UBE2D3: variants seen among roughly 807,000 people sequenced by gnomAD.
UBE2D3 encodes ubiquitin-conjugating enzyme E2 D3.
A neutral mutation model predicts 22.8 loss-of-function variants in UBE2D3; 2 were observed. The observed-to-expected ratio is 0.09, with a 90% CI of 0.04 to 0.28. UBE2D3 has a LOEUF of 0.28. UBE2D3 is among the 10% of genes least tolerant of loss of function. The pLI, the probability that UBE2D3 is intolerant of heterozygous loss-of-function variation, is 1.00. For synonymous variants in UBE2D3, 56 were observed against 60.4 expected, an observed-to-expected ratio of 0.93 and a Z score of 0.34; for missense variants, 27 against 182.5, an observed-to-expected ratio of 0.15 and a Z score of 4.91.
Position 102,797,391 on chromosome 4 carries a change from G to A in UBE2D3, c.*24C>T. On this transcript the variant is annotated 3_prime_UTR_variant, in exon 8 of 8. Coordinates refer to ENST00000453744, the MANE Select transcript of UBE2D3 (RefSeq NM_181891.3). The stretch of plus-strand genomic sequence containing the variant: ...TAAAGTTTATTCCAGCTATAATGCA[G>A]GTTATTCTGACTTTAAGGTAGCATC... 1 of 1,583,246 alleles carries A rather than the reference G, an allele frequency of 6.3e-7. No individual in the cohort carries two copies. The highest frequency in any genetic ancestry group is 8.6e-7 in the Non-Finnish European group (1 of 1,160,842).
rs554593286 is a variant in UBE2D3 at position 102,859,093 on chromosome 4, A to G, written c.-129+9622T>C. Reference sequence around the variant, plus strand: ...TCAGTTTTAGCATTTCTTGTGAGGCAGGTCTAGTGGTGATGAACTCCCTCA... The same window carrying G: ...TCAGTTTTAGCATTTCTTGTGAGGCGGGTCTAGTGGTGATGAACTCCCTCA... On this transcript the variant is annotated intron_variant, in intron 1 of 7. Coordinates refer to the UBE2D3 transcript ENST00000338145. 4.6e-5 allele frequency among the ~76,000 whole-genome samples: 7 copies of G among 152,006 alleles called. No individual in the cohort carries two copies. The East Asian group carries it at 7.7e-4, about 17-fold the overall frequency.
intron 4 of UBE2D3, among the ~76,000 whole-genome samples, chr4:102,808,689 T>C (rs759736706): frequency 6.6e-6 from 1 of 152,224 alleles, no homozygotes; most frequent in Non-Finnish European, 1.5e-5. Flanking sequence ...TCTCCTCTAA[T>C]ACAGTGTAAG....
intron 1 of UBE2D3, among the ~76,000 whole-genome samples, chr4:102,868,057 A>G (rs1048130564): frequency 1.3e-4 from 19 of 148,774 alleles, no homozygotes; most frequent in African/African-American, 4.5e-4. Context: ...AAAACCATAC[A>G]TAAGGCTTTA....
At chr4:102,804,560 A>G (rs1259314370) in intron 4 of UBE2D3, among the ~76,000 whole-genome samples, 1 of 152,210 alleles carries the variant, frequency 6.6e-6, no homozygotes, top group Non-Finnish European at 1.5e-5. Context: ...AAATAGTTAT[A>G]TTAATTTTGA....
At chr4:102,816,084 G>A in intron 2 of UBE2D3, among the ~76,000 whole-genome samples, 1 of 152,216 alleles carries the variant, frequency 6.6e-6, no homozygotes, top group Non-Finnish European at 1.5e-5. Flanking sequence ...AGTCATAGCA[G>A]ATGCTCTTTG....
intron 7 of UBE2D3, among the ~76,000 whole-genome samples, chr4:102,799,206 A>T (rs1215300174): frequency 6.6e-6 from 1 of 151,906 alleles, no homozygotes; most frequent in Admixed American, 6.6e-5. Flanking sequence ...ACAACAATAA[A>T]ACATTTTAGA....
In UBE2D3 at chr4:102,826,409, C is replaced by T. The variant is rs557867463; in HGVS notation, c.24+76G>A. The stretch of plus-strand genomic sequence containing the variant: ...GGTATTTTCAGAATTATGCTTCCTT[C>T]CCACCCCCACGCTTTCCTCTTGGCC... On this transcript the variant is annotated intron_variant, in intron 2 of 7. Transcript: ENST00000453744. 2.4e-5 allele frequency: 37 copies of T among 1,573,216 alleles called. No individual in the cohort carries two copies. The South Asian group carries it at 3.9e-4, about 17-fold the overall frequency.
At chr4:102,847,435 G>A (rs906270482) in intron 1 of UBE2D3, among the ~76,000 whole-genome samples, 4 of 151,848 alleles carry the variant, frequency 2.6e-5, no homozygotes, top group Non-Finnish European at 4.4e-5. Context: ...ACAGGTGTGC[G>A]CCACCACACC....
intron 2 of UBE2D3, among the ~76,000 whole-genome samples, chr4:102,821,678 A>G (rs910808498): frequency 5.9e-5 from 9 of 152,206 alleles, no homozygotes; most frequent in African/African-American, 1.7e-4. Context: ...ATTGTAACAC[A>G]AAGGATAAAT....
intron 4 of UBE2D3, among the ~76,000 whole-genome samples, chr4:102,803,225 T>C (rs1290136949): frequency 6.6e-6 from 1 of 152,206 alleles, no homozygotes; most frequent in African/African-American, 2.4e-5. Context: ...AAATGGTAAA[T>C]GATAGAACCA....
intron 4 of UBE2D3, among the ~76,000 whole-genome samples, chr4:102,804,139 C>CG (rs1560846915): frequency 6.9e-6 from 1 of 144,160 alleles, no homozygotes; most frequent in Non-Finnish European, 1.5e-5. Flanking sequence ...GGGTGGAGGG[C>CG]GGGGGGAATG....
exon 1 of UBE2D3, chr4:102,868,811 AGGCCCAAGAGGAG>A: frequency 3.1e-6 from 5 of 1,609,302 alleles, no homozygotes; most frequent in Non-Finnish European, 4.3e-6. Context: ...CAGACGTTAA[AGGCCCAAGAGGAG>A]GGCCACCTTC....
At chr4:102,809,370 AG>A (rs1727591289) in intron 4 of UBE2D3, 1 of 326,410 alleles carries the variant, frequency 3.1e-6, no homozygotes. Context: ...TATAAATAAC[AG>A]GAAGTTCCAT....
intron 1 of UBE2D3, among the ~76,000 whole-genome samples, chr4:102,852,406 G>GTA (rs781664151): frequency 6.6e-6 from 1 of 152,002 alleles, no homozygotes; most frequent in Non-Finnish European, 1.5e-5. Flanking sequence ...ACATTCCCTC[G>GTA]TATATATATG....
At chr4:102,843,442 TACAACTGGATGA>T (rs1731872551) in intron 1 of UBE2D3, 4 of 152,138 alleles carry the variant, frequency 2.6e-5, no homozygotes. Flanking sequence ...CATCAAACTG[TACAACTGGATGA>T]ACACAGGAGC....
intron 1 of UBE2D3, among the ~76,000 whole-genome samples, chr4:102,846,297 T>TA (rs1732038485): frequency 6.6e-6 from 1 of 152,222 alleles, no homozygotes; most frequent in South Asian, 2.1e-4. Context: ...TAACAATGGC[T>TA]AAGGAGCCTT....
Position 102,795,225 on chromosome 4 carries a change from A to T in UBE2D3, c.*2190T>A, listed in dbSNP as rs998578554. ...AATTGTTATGACAATCAAAGAAGTC[A>T]TCTCCGTAAATACCTAAGGGTTGTC... On this transcript the variant is annotated 3_prime_UTR_variant, in exon 8 of 8. Coordinates refer to ENST00000453744, the MANE Select transcript of UBE2D3 (RefSeq NM_181891.3). 1 of 152,076 alleles carries T rather than the reference A, an allele frequency of 6.6e-6. No homozygotes were observed. Among genetic ancestry groups the T allele is most frequent in the Non-Finnish European group, 1.5e-5 (1 of 67,938 alleles). The allele number at this position is 152,076 out of a possible 1,614,324, so 9.4% of individuals were successfully genotyped here.
intron 2 of UBE2D3, chr4:102,825,184 C>T: frequency 2.1e-6 from 2 of 955,878 alleles, no homozygotes; most frequent in Non-Finnish European, 2.5e-6. Context: ...TGCCATTCCT[C>T]TCAGAACTCT....
At chr4:102,853,581 ATTG>A (rs1009907179) in intron 1 of UBE2D3, among the ~76,000 whole-genome samples, 1 of 152,162 alleles carries the variant, frequency 6.6e-6, no homozygotes, top group African/African-American at 2.4e-5. Flanking sequence ...CAGTGTATAT[ATTG>A]TTATCTTTAT....
Sources: gnomAD v4.1 joint callset for allele counts (sites outside exome capture counted in the v4.1 genomes callset) on GRCh38, gnomAD v4.1.1 for gene constraint, MANE v1.5 for transcripts, NCBI Gene and HGNC (gene_info 2026-07-23, HGNC 2026-07-21) for gene names.